PER3: variants seen among roughly 807,000 people sequenced by gnomAD.
The protein encoded by PER3 is period circadian protein homolog 3.
In PER3, 107 loss-of-function variants were observed where a neutral mutation model predicts 127.2. The ratio of observed to expected loss-of-function variants is 0.84; its 90% confidence interval spans 0.72 to 0.99. The LOEUF (loss-of-function observed/expected upper bound fraction) is 0.99, where lower values mean the gene tolerates loss of function less well. PER3 is among the 50% of genes least tolerant of loss of function. The pLI, the probability that PER3 is intolerant of heterozygous loss-of-function variation, is 0.00. For missense variants in PER3, 1,560 were observed against 1,525.8 expected, an observed-to-expected ratio of 1.02 and a Z score of -0.37; for synonymous variants, 618 against 585.8, an observed-to-expected ratio of 1.05 and a Z score of -0.79.
At chr1:7,822,069 G>A (rs929221051) in intron 16 of PER3, among the ~76,000 whole-genome samples, 2 of 152,042 alleles carry the variant, frequency 1.3e-5, no homozygotes, top group African/African-American at 4.8e-5. Context: ...TCTAGGAGTC[G>A]TTGCCATTAC....
In PER3 at chr1:7,835,783, A is replaced by G; in HGVS notation, c.3236A>G (p.Tyr1079Cys). 6.2e-7 allele frequency: 1 copy of G among 1,611,874 alleles called. No homozygotes were observed. Among genetic ancestry groups the G allele is most frequent in the Non-Finnish European group, 8.5e-7 (1 of 1,178,202 alleles). The change falls in exon 20 of 22, where the codon TAC (tyrosine) becomes TGC (cysteine). Residue 1079 changes from tyrosine (Y) to cysteine (C), a missense_variant. Physicochemically the swap from Tyr to Cys is radical, Grantham distance 194. This residue lies in a region of PER3 where 199 missense variants were observed against 198.6 expected (regional missense o/e 1.00). Transcript: ENST00000377532. ...ACAGGAAGCAGCGACAGCAGTATAT[A>G]CCTTACTAGTAGTGTTTATTCTTCT... ...AASGSSDSSI[Y>C]LTSSVYSSKI... is the part of the protein sequence containing the mutation.
chr1:7,810,800 A>AT (rs1358788776), intron 13 of PER3: 1 of 388,678 alleles, frequency 2.6e-6, no homozygotes, highest in Admixed American at 4.3e-5. Flanking sequence ...ATTAGAATGT[A>AT]TTTGTAACAG....
intron 7 of PER3, among the ~76,000 whole-genome samples, chr1:7,799,431 C>G (rs1431817932): frequency 1.3e-5 from 2 of 152,052 alleles, no homozygotes; most frequent in East Asian, 3.9e-4. Context: ...GATGAAACCC[C>G]GTCTCTACTA....
At chr1:7,835,338 T>G (rs982814674) in intron 19 of PER3, among the ~76,000 whole-genome samples, 1 of 152,194 alleles carries the variant, frequency 6.6e-6, no homozygotes, top group African/African-American at 2.4e-5. Flanking sequence ...TTGACAGTTA[T>G]GAAAAGTCAG....
chr1:7,814,275 A>G (rs1430700813), intron 13 of PER3, among the ~76,000 whole-genome samples: 1 of 152,254 alleles, frequency 6.6e-6, no homozygotes, highest in Non-Finnish European at 1.5e-5. Context: ...TAAATACAGA[A>G]CAAAAACAAA....
At chr1:7,796,921 G>A (rs1395926666) in intron 6 of PER3, among the ~76,000 whole-genome samples, 1 of 152,132 alleles carries the variant, frequency 6.6e-6, no homozygotes, top group African/African-American at 2.4e-5. Flanking sequence ...GTTTTGGGCT[G>A]GAGTTATCAT....
At chr1:7,815,434 A>G (rs1270325367) in intron 13 of PER3, among the ~76,000 whole-genome samples, 1 of 152,234 alleles carries the variant, frequency 6.6e-6, no homozygotes, top group African/African-American at 2.4e-5. Flanking sequence ...TATTACACAA[A>G]GTAAACTTCA....
In PER3 at chr1:7,816,332, T is replaced by C. The variant is rs188258788; in HGVS notation, c.1523-2953T>C. ...AAGAAAGGAAGGACAGGTTGGACTT[T>C]ATCAAAATTTAAAACTTCTCCTTTT... On this transcript the variant is annotated intron_variant, in intron 13 of 21. Transcript: ENST00000377532. Among the ~76,000 whole-genome samples the C allele has an allele frequency of 1.4e-4, 22 of 152,280 alleles. No homozygotes were observed. In the East Asian group the frequency reaches 2.1e-3, roughly 15 times the overall value.
At chr1:7,836,034 G>T (rs745621230) in intron 20 of PER3, 89 bp downstream of exon 20, 12 of 870,086 alleles carry the variant, frequency 1.4e-5, no homozygotes, top group Non-Finnish European at 2.1e-5. Flanking sequence ...GTCTCGCCCT[G>T]TCACCCAGGC....
intron 4 of PER3, chr1:7,787,729 G>A (rs2097098917): frequency 1.1e-5 from 4 of 376,822 alleles, no homozygotes; most frequent in Non-Finnish European, 1.5e-5. Context: ...CGTTGATGAC[G>A]AGAACACCGT....
chr1:7,844,042 T>TC lies in PER3; in HGVS notation c.*1289dup. ...TGCAACAAACTAATTTATTTTTTTT[T>TC]CCTTTTTTTGTTTTTGGTTTTTTAT... On this transcript the variant is annotated 3_prime_UTR_variant, in exon 22 of 22. Coordinates refer to ENST00000377532, the MANE Select transcript of PER3 (RefSeq NM_001377275.1). 1 of 1,048,760 alleles carries TC rather than the reference T, an allele frequency of 9.5e-7. No homozygotes were observed. The highest frequency in any genetic ancestry group is 2.1e-5 in the South Asian group (1 of 47,610). The allele number at this position is 1,048,760 out of a possible 1,614,324, so 65.0% of individuals were successfully genotyped here. A position where few individuals can be genotyped will look rare whatever the true frequency, so the allele number is the denominator to read the frequency against.
At chr1:7,788,907 G>GAAAA (rs56279930) in intron 5 of PER3, among the ~76,000 whole-genome samples, 42 of 141,784 alleles carry the variant, frequency 3.0e-4, no homozygotes, top group Admixed American at 1.5e-3. Context: ...TGTTTCTGGG[G>GAAAA]AAAAAAAAAA....
At position 7,806,282 on chromosome 1, in the gene PER3, C is replaced by T. The variant is rs79237716; in HGVS notation, c.1136+2434C>T. ...TCAGGTGTCCTCAGCTCTCATTTTA[C>T]AGGTAAAATCCATACTCAGTAAACT... On this transcript the variant is annotated intron_variant, in intron 10 of 21. Coordinates refer to ENST00000377532, the MANE Select transcript of PER3 (RefSeq NM_001377275.1). Among the ~76,000 whole-genome samples the T allele has an allele frequency of 3.9e-3, 600 of 152,260 alleles. 2 individuals are homozygous for T. Among genetic ancestry groups the T allele is most frequent in the Non-Finnish European group, 7.0e-3 (476 of 67,998 alleles).
chr1:7,839,829 C>G (rs950592779), intron 21 of PER3, among the ~76,000 whole-genome samples: 1 of 151,844 alleles, frequency 6.6e-6, no homozygotes, highest in Non-Finnish European at 1.5e-5. Flanking sequence ...TTTGACTGCA[C>G]GGTATTTAAT....
In PER3 at chr1:7,823,012, A is replaced by G. The variant is rs187632997; in HGVS notation, c.1957+2372A>G. ...TTGAGCTCATCTTGGGTTCGTTGCT[A>G]CAGTGAGTTCTGATCACATTACTGT... On this transcript the variant is annotated intron_variant, in intron 16 of 21. Transcript: ENST00000377532. Among the ~76,000 whole-genome samples, 37 of 152,318 alleles carry G rather than the reference A, an allele frequency of 2.4e-4. 1 individual carries two copies. Among genetic ancestry groups the G allele is most frequent in the African/African-American group, 7.5e-4 (31 of 41,576 alleles).
At position 7,826,514 on chromosome 1, in the gene PER3, C is replaced by A. The variant is rs765881794; in HGVS notation, c.1992C>A (p.Thr664=). Residue 664 remains threonine, a synonymous_variant, in exon 17 of 22, where the codon ACC becomes ACA. Transcript: ENST00000377532. This position sits in a 1 kb window ranked among gnomAD's most constrained non-coding sequence, Gnocchi z 4.2. ...CTACCCTCTTCTGTGAGCCCTGGACCCTGAACATGCAGCCAGCCCCTTTGA... is the reference window on the plus strand; with the variant it reads ...CTACCCTCTTCTGTGAGCCCTGGACACTGAACATGCAGCCAGCCCCTTTGA... The part of the protein sequence containing the change: ...RDATLFCEPW[T]LNMQPAPLTS... 5.0e-6 allele frequency: 8 copies of A among 1,613,700 alleles called. No individual in the cohort carries two copies. Among genetic ancestry groups the A allele is most frequent in the Non-Finnish European group, 6.8e-6 (8 of 1,179,652 alleles).
intron 6 of PER3, among the ~76,000 whole-genome samples, chr1:7,795,899 C>T (rs915951798): frequency 9.2e-5 from 14 of 152,204 alleles, no homozygotes; most frequent in African/African-American, 2.9e-4. Flanking sequence ...GTTCTTTAAC[C>T]CCCTCTTCCC....
In PER3 at chr1:7,810,038, C is replaced by T; in HGVS notation, c.1371+17C>T. 6.2e-7 allele frequency: 1 copy of T among 1,608,530 alleles called. No individual in the cohort carries two copies. The highest frequency in any genetic ancestry group is 8.5e-7 in the Non-Finnish European group (1 of 1,176,400). On this transcript the variant is annotated intron_variant, in intron 12 of 21. Coordinates refer to ENST00000377532, the MANE Select transcript of PER3 (RefSeq NM_001377275.1). ...GCGGAGCAGGTGCATGGGCTTATGT[C>T]ACATTCTTATACAGGCATCGTGTTT... is the stretch of plus-strand genomic sequence containing the variant.
At chr1:7,834,977 G>A (rs945462986) in intron 19 of PER3, among the ~76,000 whole-genome samples, 5 of 152,158 alleles carry the variant, frequency 3.3e-5, no homozygotes, top group Non-Finnish European at 7.3e-5. Flanking sequence ...CAGTTTCTGT[G>A]TTGTGGCAGG....
Sources: allele counts gnomAD v4.1 joint callset (sites outside exome capture counted in the v4.1 genomes callset), GRCh38; gene constraint gnomAD v4.1.1; regional missense constraint gnomAD v4.1.1; non-coding constraint Gnocchi (gnomAD v3.1); transcripts MANE v1.5; gene names NCBI Gene and HGNC (gene_info 2026-07-23, HGNC 2026-07-21).